CALN1: variants seen among roughly 807,000 people sequenced by gnomAD.
The protein encoded by CALN1 is calcium-binding protein 8.
In CALN1, 17 loss-of-function variants were observed where a neutral mutation model predicts 30.6. The observed-to-expected ratio is 0.56, with a 90% CI of 0.38 to 0.83. CALN1 has a LOEUF of 0.83. Among genes scored for constraint, CALN1 ranks in the 40% least tolerant of loss-of-function variants. CALN1 has a pLI of 0.00. For missense variants in CALN1, 291 were observed against 354.9 expected, an observed-to-expected ratio of 0.82 and a Z score of 1.45; for synonymous variants, 156 against 131.4, an observed-to-expected ratio of 1.19 and a Z score of -1.28.
intron 4 of CALN1, among the ~76,000 whole-genome samples, chr7:72,073,019 A>G (rs1485513654): frequency 6.6e-6 from 1 of 152,224 alleles, no homozygotes; most frequent in African/African-American, 2.4e-5. Context: ...ACACATGGGA[A>G]ACAAATAGGT....
chr7:72,449,358 C>T (rs1031201230), upstream of CALN1, among the ~76,000 whole-genome samples: 7 of 152,152 alleles, frequency 4.6e-5, no homozygotes, highest in African/African-American at 2.4e-5. Flanking sequence ...AGGGATGGAG[C>T]GGAATGGCCA....
At chr7:72,030,870 T>C (rs1801395217) in intron 4 of CALN1, among the ~76,000 whole-genome samples, 1 of 152,010 alleles carries the variant, frequency 6.6e-6, no homozygotes, top group Non-Finnish European at 1.5e-5. Flanking sequence ...CCTCAGCTTC[T>C]GGAGTACCTG....
chr7:72,044,572 C>T (rs989301583), intron 4 of CALN1, among the ~76,000 whole-genome samples: 18 of 148,056 alleles, frequency 1.2e-4, no homozygotes, highest in Admixed American at 2.7e-4. Context: ...TATTTTTTAA[C>T]CTTCAGAGAA....
intron 2 of CALN1, among the ~76,000 whole-genome samples, chr7:72,318,856 A>C (rs1800673933): frequency 1.3e-5 from 2 of 151,492 alleles, no homozygotes; most frequent in Non-Finnish European, 2.9e-5. Context: ...GCTATTATTA[A>C]AAAGTCAAAA....
chr7:71,884,220 C>G (rs575043892), intron 5 of CALN1, among the ~76,000 whole-genome samples: 5 of 152,164 alleles, frequency 3.3e-5, no homozygotes, highest in African/African-American at 9.6e-5. Context: ...GCCATATCAG[C>G]CTCTTTGGTT....
intron 5 of CALN1, among the ~76,000 whole-genome samples, chr7:71,817,952 TA>T (rs1788364468): frequency 6.6e-6 from 1 of 152,268 alleles, no homozygotes; most frequent in East Asian, 1.9e-4. Context: ...TTGTTCTCCA[TA>T]AATTATTCTT....
chr7:72,329,502 A>C (rs1801516632), intron 2 of CALN1, among the ~76,000 whole-genome samples: 1 of 152,196 alleles, frequency 6.6e-6, no homozygotes, highest in South Asian at 2.1e-4. Context: ...ATCTCCTGCC[A>C]CACCAGTCTC....
Position 72,066,681 on chromosome 7 carries a change from C to T in CALN1, c.388+39470G>A, listed in dbSNP as rs545919148. Among the ~76,000 whole-genome samples the T allele has an allele frequency of 8.9e-4, 135 of 152,162 alleles. 1 individual carries two copies. The highest frequency in any genetic ancestry group is 2.9e-3 in the African/African-American group (121 of 41,506). The stretch of plus-strand genomic sequence containing the variant: ...AGGCTGGAGTACAGTGGCGCCATCA[C>T]GGCTCACTGCAGCCTTGAACTCCTT... On this transcript the variant is annotated intron_variant, in intron 4 of 6. Coordinates refer to ENST00000395275, the MANE Select transcript of CALN1 (RefSeq NM_031468.4).
chr7:72,268,472 G>C (rs754412477), intron 3 of CALN1, among the ~76,000 whole-genome samples: 1 of 152,172 alleles, frequency 6.6e-6, no homozygotes, highest in Non-Finnish European at 1.5e-5. Context: ...TATAATGGTT[G>C]ACAATTTTAA....
At chr7:72,360,460 A>T (rs781389996) in intron 2 of CALN1, among the ~76,000 whole-genome samples, 5 of 151,882 alleles carry the variant, frequency 3.3e-5, no homozygotes, top group Non-Finnish European at 7.4e-5. Flanking sequence ...AAGATTGAAG[A>T]CATCACACAT....
chr7:71,930,479 A>G (rs767776280), intron 5 of CALN1, among the ~76,000 whole-genome samples: 1 of 152,206 alleles, frequency 6.6e-6, no homozygotes, highest in Non-Finnish European at 1.5e-5. Flanking sequence ...TTATAAAGCT[A>G]TATGATTTGC....
intron 5 of CALN1, among the ~76,000 whole-genome samples, chr7:71,989,056 G>A (rs990274483): frequency 1.3e-5 from 2 of 152,076 alleles, no homozygotes; most frequent in Non-Finnish European, 1.5e-5. Flanking sequence ...ATTGCATGCT[G>A]GCCCAGAGTC....
the CALN1 span, among the ~76,000 whole-genome samples, chr7:72,469,061 A>G: frequency 2.0e-5 from 3 of 152,170 alleles, no homozygotes; most frequent in Non-Finnish European, 4.4e-5. Context: ...TAACTTTGAT[A>G]AAGTTGAATG....
chr7:72,344,543 TGAGGGG>T (rs1802526921), intron 2 of CALN1, among the ~76,000 whole-genome samples: 1 of 148,088 alleles, frequency 6.8e-6, no homozygotes, highest in Non-Finnish European at 1.5e-5. Context: ...GAACAAGTAT[TGAGGGG>T]ATAAATATAT....
At chr7:72,327,517 T>C (rs1801364665) in intron 2 of CALN1, among the ~76,000 whole-genome samples, 1 of 152,132 alleles carries the variant, frequency 6.6e-6, no homozygotes, top group African/African-American at 2.4e-5. Context: ...GAACACTTCA[T>C]TGAACGTTTT....
intron 3 of CALN1, among the ~76,000 whole-genome samples, chr7:72,253,708 AG>A (rs1190254520): frequency 2.0e-5 from 3 of 152,138 alleles, no homozygotes; most frequent in Non-Finnish European, 4.4e-5. Flanking sequence ...CAATTCAAGA[AG>A]AGATTTGGGT....
At chr7:72,157,723 AAGTT>A (rs1787803171) in intron 3 of CALN1, among the ~76,000 whole-genome samples, 1 of 152,088 alleles carries the variant, frequency 6.6e-6, no homozygotes, top group Non-Finnish European at 1.5e-5. Context: ...AACCATTTGA[AAGTT>A]AGTCAGTTAG....
At position 71,781,869 on chromosome 7, in the gene CALN1, GGACT is replaced by G. The variant is rs1168113907; in HGVS notation, c.*5902_*5905del. 1 of 152,138 alleles carries G rather than the reference GGACT, an allele frequency of 6.6e-6. No individual in the cohort carries two copies. The highest frequency in any genetic ancestry group is 1.5e-5 in the Non-Finnish European group (1 of 68,030). The allele number at this position is 152,138 out of a possible 1,614,324, so 9.4% of individuals were successfully genotyped here. ...CCGGGCAAGCTTTTCCACTTTCAGA[GGACT>G]GTCTTGTGGGTGGGACTGGAAAAAC... is the stretch of plus-strand genomic sequence containing the variant. On this transcript the variant is annotated 3_prime_UTR_variant, in exon 7 of 7. Transcript: ENST00000395275.
At chr7:72,036,173 T>C (rs1011567800) in intron 4 of CALN1, among the ~76,000 whole-genome samples, 1 of 152,248 alleles carries the variant, frequency 6.6e-6, no homozygotes, top group Non-Finnish European at 1.5e-5. Flanking sequence ...ATCAGCCCAC[T>C]GCCTTCTGGC....
Sources: gnomAD v4.1 joint callset for allele counts (sites outside exome capture counted in the v4.1 genomes callset) on GRCh38, gnomAD v4.1.1 for gene constraint, MANE v1.5 for transcripts, NCBI Gene and HGNC (gene_info 2026-07-23, HGNC 2026-07-21) for gene names.